ETV6: variants seen among roughly 807,000 people sequenced by gnomAD.
The protein encoded by ETV6 is ETS variant transcription factor 6.
In ETV6, 16 loss-of-function variants were observed where a neutral mutation model predicts 51.1. The ratio of observed to expected loss-of-function variants is 0.31; its 90% CI spans 0.21 to 0.48. The LOEUF (loss-of-function observed/expected upper bound fraction) is 0.48, where lower values mean the gene tolerates loss of function less well. Ranked by LOEUF, ETV6 falls within the 20% of genes least tolerant of loss-of-function variation. The probability of loss-of-function intolerance (pLI) is 0.99; values close to 1 mark genes in which losing one functional copy is unlikely to be tolerated. For synonymous variants in ETV6, 240 were observed against 224.1 expected, an observed-to-expected ratio of 1.07 and a Z score of -0.64; for missense variants, 458 against 594.8, an observed-to-expected ratio of 0.77 and a Z score of 2.39.
chr12:11,809,815 T>TG (rs1945886850), intron 2 of ETV6, among the ~76,000 whole-genome samples: 1 of 96,718 alleles, frequency 1.0e-5, no homozygotes, highest in East Asian at 2.4e-4. Flanking sequence ...GCTTCTGCTT[T>TG]TTTTTTTTTT....
At chr12:11,727,893 C>G (rs546286676) in intron 1 of ETV6, among the ~76,000 whole-genome samples, 33 of 152,248 alleles carry the variant, frequency 2.2e-4, no homozygotes, top group African/African-American at 7.7e-4. Flanking sequence ...GATCTCAGCT[C>G]ACTCCACCCT....
chr12:11,858,846 G>A (rs1205802231), intron 4 of ETV6, among the ~76,000 whole-genome samples: 1 of 152,064 alleles, frequency 6.6e-6, no homozygotes, highest in East Asian at 1.9e-4. Context: ...GAACTTTCAA[G>A]CATCGAAGTG....
At chr12:11,654,535 A>G (rs772974093) in intron 1 of ETV6, among the ~76,000 whole-genome samples, 56 of 152,248 alleles carry the variant, frequency 3.7e-4, no homozygotes, top group Non-Finnish European at 6.6e-4. Flanking sequence ...AGCTTGGTCC[A>G]TTTTAATCAC....
At chr12:11,790,654 A>G (rs1945569708) in intron 2 of ETV6, among the ~76,000 whole-genome samples, 1 of 145,790 alleles carries the variant, frequency 6.9e-6, no homozygotes, top group Non-Finnish European at 1.5e-5. Context: ...AATTCCACCT[A>G]GTCATTTTGG....
At chr12:11,687,538 C>T (rs1864659884) in intron 1 of ETV6, among the ~76,000 whole-genome samples, 1 of 152,090 alleles carries the variant, frequency 6.6e-6, no homozygotes, top group Admixed American at 6.5e-5. Flanking sequence ...GTGCCAATCA[C>T]TCATGTATCA....
At chr12:11,760,593 C>T (rs532160228) in intron 2 of ETV6, among the ~76,000 whole-genome samples, 14 of 152,192 alleles carry the variant, frequency 9.2e-5, no homozygotes, top group African/African-American at 2.4e-4. Context: ...TTGAATAGCA[C>T]CATTTAAAAA....
chr12:11,783,404 G>A (rs370822737), intron 2 of ETV6, among the ~76,000 whole-genome samples: 2 of 152,170 alleles, frequency 1.3e-5, no homozygotes, highest in African/African-American at 2.4e-5. Flanking sequence ...TTTCTGTGGC[G>A]GGGAGAGGCA....
chr12:11,753,352 G>A (rs1157357390), intron 2 of ETV6, among the ~76,000 whole-genome samples: 1 of 152,074 alleles, frequency 6.6e-6, no homozygotes, highest in African/African-American at 2.4e-5. Context: ...TTCTCATACT[G>A]CCACCCAGCT....
intron 2 of ETV6, among the ~76,000 whole-genome samples, chr12:11,813,816 C>T (rs1024692684): frequency 6.6e-6 from 1 of 152,202 alleles, no homozygotes; most frequent in Non-Finnish European, 1.5e-5. Flanking sequence ...TTAAGAAGAG[C>T]CTGTGTGGTT....
intron 2 of ETV6, among the ~76,000 whole-genome samples, chr12:11,780,054 A>C (rs1433995530): frequency 2.0e-5 from 3 of 152,226 alleles, no homozygotes; most frequent in African/African-American, 7.2e-5. Context: ...ATGCTGAAAA[A>C]CAAAAGAGTT....
chr12:11,894,253 G>A lies in ETV6; in HGVS notation c.*3207G>A. On this transcript the variant is annotated 3_prime_UTR_variant, in exon 8 of 8. Transcript: ENST00000396373. ...TGTCAGGAGACAAATCTGAAGTCAG[G>A]AGAGGAAAATGCAAAGGAGCCCTGC... The A allele has an allele frequency of 4.3e-6, 1 of 232,720 alleles. No homozygotes were observed. Among genetic ancestry groups the A allele is most frequent in the East Asian group, 6.1e-5 (1 of 16,524 alleles). 14.4% of individuals were successfully genotyped at this position (232,720 alleles called of 1,614,324 possible). A position where few individuals can be genotyped will look rare whatever the true frequency, so the allele number is the denominator to read the frequency against.
chr12:11,829,099 C>T (rs1382707658), intron 2 of ETV6, among the ~76,000 whole-genome samples: 1 of 152,126 alleles, frequency 6.6e-6, no homozygotes, highest in Non-Finnish European at 1.5e-5. Flanking sequence ...CAGTCCCCTC[C>T]TCAAAGCACT....
At chr12:11,785,983 G>A (rs895367253) in intron 2 of ETV6, among the ~76,000 whole-genome samples, 1 of 152,088 alleles carries the variant, frequency 6.6e-6, no homozygotes, top group Non-Finnish European at 1.5e-5. Context: ...GTTTTAGCAG[G>A]TTTGATTGCA....
At chr12:11,824,698 G>A (rs191841294) in intron 2 of ETV6, among the ~76,000 whole-genome samples, 114 of 152,256 alleles carry the variant, frequency 7.5e-4, no homozygotes, top group African/African-American at 2.7e-3. Context: ...ATTGAACCCT[G>A]GAGGCGGAAG....
At chr12:11,876,902 C>T (rs1189875060) in intron 5 of ETV6, among the ~76,000 whole-genome samples, 2 of 152,170 alleles carry the variant, frequency 1.3e-5, no homozygotes, top group Admixed American at 6.5e-5. Flanking sequence ...GAACACACTT[C>T]GCAGCAATCC....
rs1333962681 is a variant in ETV6 at position 11,884,433 on chromosome 12, T to C, written c.1010-12T>C. On this transcript the variant is annotated splice_polypyrimidine_tract_variant and intron_variant, in intron 5 of 7. Transcript: ENST00000396373. ...ATTTTCAACAGTGTTTTCTTGCCCT[T>C]TTCCTCTGTAGACTGTAGACTGCTT... is the stretch of plus-strand genomic sequence containing the variant. The C allele has an allele frequency of 6.2e-7, 1 of 1,613,980 alleles. No homozygotes were observed. Among genetic ancestry groups the C allele is most frequent in the Non-Finnish European group, 8.5e-7 (1 of 1,179,964 alleles).
chr12:11,843,948 T>A (rs562101198), intron 3 of ETV6, among the ~76,000 whole-genome samples: 1 of 152,148 alleles, frequency 6.6e-6, no homozygotes, highest in East Asian at 1.9e-4. Flanking sequence ...AGTTAAAGAA[T>A]AAATGGAAGG....
chr12:11,835,301 G>A (rs909905225), intron 2 of ETV6, among the ~76,000 whole-genome samples: 2 of 152,224 alleles, frequency 1.3e-5, no homozygotes, highest in South Asian at 2.1e-4. Flanking sequence ...CAAGAGGCAC[G>A]CTATGCGCAC....
At chr12:11,826,388 CATACCTTTTCCAGCACAGAATGA>C (rs1473570540) in intron 2 of ETV6, 2 of 152,224 alleles carry the variant, frequency 1.3e-5, no homozygotes, top group Non-Finnish European at 2.9e-5. Context: ...TGTTAACACT[CATACCTTTTCCAGCACAGAATGA>C]AAAGCACCTT....
Sources: allele counts gnomAD v4.1 joint callset (sites outside exome capture counted in the v4.1 genomes callset), GRCh38; gene constraint gnomAD v4.1.1; transcripts MANE v1.5; gene names NCBI Gene and HGNC (gene_info 2026-07-23, HGNC 2026-07-21).